Variants in TDRD9 observed in about 807,000 individuals in gnomAD.
The protein encoded by TDRD9 is tudor domain containing 9.
Under a neutral mutation model 172.6 loss-of-function variants are expected in TDRD9, and 124 were observed. That is an observed-to-expected ratio of 0.72 (90% CI 0.62 to 0.83). The LOEUF (loss-of-function observed/expected upper bound fraction) is 0.83, where lower values mean the gene tolerates loss of function less well. TDRD9 is among the 40% of genes least tolerant of loss of function. The pLI is 0.00. For synonymous variants in TDRD9, 619 were observed against 617.1 expected (o/e 1.00, Z -0.05); for missense variants, 1,479 against 1,714.1 (o/e 0.86, Z 2.42).
rs112680090 is a variant in TDRD9, at chr14:103,994,288, A to G, written c.1181-44A>G. ...TTTAAAGGTTGGTTTCTAGCAGTAA[A>G]TACAAACATGTTTATTTCCCTCCTC... On this transcript the variant is annotated intron_variant, in intron 9 of 35. Coordinates refer to ENST00000409874, the MANE Select transcript of TDRD9 (RefSeq NM_153046.3). 1,086 of 1,567,014 alleles carry G rather than the reference A, an allele frequency of 6.9e-4. 7 individuals carry two copies. The African/African-American group carries it at 0.012, about 18-fold the overall frequency.
At chr14:103,992,242 CATT>C (rs2033896385) in intron 9 of TDRD9, among the ~76,000 whole-genome samples, 2 of 152,222 alleles carry the variant, frequency 1.3e-5, no homozygotes, top group South Asian at 2.1e-4. Flanking sequence ...CTTGATGAAA[CATT>C]ATGACAATAA....
At chr14:104,050,652 GT>G (rs1364346447) in intron 35 of TDRD9, among the ~76,000 whole-genome samples, 1 of 152,198 alleles carries the variant, frequency 6.6e-6, no homozygotes, top group African/African-American at 2.4e-5. Context: ...TGCTCCCCCT[GT>G]GCCCTGTGCC....
intron 5 of TDRD9, among the ~76,000 whole-genome samples, chr14:103,967,347 C>CAAAAAAAAAAAAAAAAAAAA (rs11444885): frequency 2.0e-5 from 1 of 49,732 alleles, no homozygotes; most frequent in African/African-American, 9.7e-5. Context: ...ACTAAAAATA[C>CAAAAAAAAAAAAAAAAAAAA]AAAAAAAAAA....
chr14:104,026,249 C>T, intron 27 of TDRD9, 113 bp downstream of exon 27: 1 of 725,546 alleles, frequency 1.4e-6, no homozygotes, highest in Non-Finnish European at 2.4e-6. Flanking sequence ...GAGCCAAGGC[C>T]CAGGACAGGG....
intron 24 of TDRD9, among the ~76,000 whole-genome samples, chr14:104,022,733 T>A (rs200940470): frequency 2.0e-4 from 6 of 29,900 alleles, no homozygotes; most frequent in Non-Finnish European, 6.2e-4. Flanking sequence ...TCTTAAAAAA[T>A]AAATAAATAA....
intron 1 of TDRD9, among the ~76,000 whole-genome samples, chr14:103,931,820 A>C (rs2030407303): frequency 6.6e-6 from 1 of 152,192 alleles, no homozygotes; most frequent in Admixed American, 6.5e-5. Flanking sequence ...AAAAGCAGAG[A>C]ACTTTCTCAG....
intron 22 of TDRD9, among the ~76,000 whole-genome samples, chr14:104,017,419 G>T (rs983860178): frequency 1.2e-4 from 19 of 152,168 alleles, no homozygotes; most frequent in Admixed American, 9.8e-4. Context: ...GTGGCAGTTG[G>T]GTCTCAGGGT....
rs986028599 is a variant in TDRD9, at chr14:103,928,474, C to T, written c.-36C>T. 7.7e-5 allele frequency: 110 copies of T among 1,426,838 alleles called. No homozygotes were observed. The highest frequency in any genetic ancestry group is 2.3e-4 in the African/African-American group (15 of 66,212). The allele number at this position is 1,426,838 out of a possible 1,614,324, so 88.4% of individuals were successfully genotyped here. On this transcript the variant is annotated 5_prime_UTR_variant, in exon 1 of 36. Coordinates refer to ENST00000409874, the MANE Select transcript of TDRD9 (RefSeq NM_153046.3). ...GTCGCCTGTTCCCGCCGCGGAGACCCGGCAGTTGGGGGATGCCGACGCCTG... is the reference window on the plus strand; with the variant it reads ...GTCGCCTGTTCCCGCCGCGGAGACCTGGCAGTTGGGGGATGCCGACGCCTG...
chr14:104,029,974 C>T (rs755704127), intron 28 of TDRD9, among the ~76,000 whole-genome samples: 5 of 152,122 alleles, frequency 3.3e-5, no homozygotes, highest in Non-Finnish European at 5.9e-5. Context: ...AGGTCTTTTA[C>T]TTCTGTTATT....
intron 8 of TDRD9, among the ~76,000 whole-genome samples, chr14:103,989,227 C>T (rs1353345136): frequency 6.6e-6 from 1 of 152,184 alleles, no homozygotes; most frequent in African/African-American, 2.4e-5. Context: ...AGCTGTTAAT[C>T]TTACTGGGGT....
intron 34 of TDRD9, among the ~76,000 whole-genome samples, chr14:104,046,408 ATACAAG>A (rs2035778068): frequency 6.6e-6 from 1 of 152,120 alleles, no homozygotes; most frequent in South Asian, 2.1e-4. Flanking sequence ...GTGGTATGTG[ATACAAG>A]AGCCTAAAGT....
intron 13 of TDRD9, among the ~76,000 whole-genome samples, chr14:103,999,015 GATC>G (rs1197236769): frequency 6.6e-6 from 1 of 152,118 alleles, no homozygotes. Context: ...GGATGGTCTT[GATC>G]TCCTGACTTT....
In TDRD9 at chr14:103,971,982, C is replaced by T. The variant is rs138159692; in HGVS notation, c.846+1361C>T. ...GACCAGCCTGGGCAACATGGTGAAA[C>T]CCCATCTCTACAAAAAATACAAAAA... On this transcript the variant is annotated intron_variant, in intron 6 of 35. Coordinates refer to ENST00000409874, the MANE Select transcript of TDRD9 (RefSeq NM_153046.3). Among the ~76,000 whole-genome samples the T allele has an allele frequency of 4.1e-3, 627 of 152,158 alleles. 5 individuals are homozygous for T. The highest frequency in any genetic ancestry group is 0.014 in the African/African-American group (599 of 41,506).
At chr14:103,947,323 GT>G (rs1205274036) in intron 1 of TDRD9, among the ~76,000 whole-genome samples, 1 of 150,926 alleles carries the variant, frequency 6.6e-6, no homozygotes, top group Non-Finnish European at 1.5e-5. Flanking sequence ...TGTTTTTTTT[GT>G]TTTTTTGTTT....
chr14:103,970,921 C>G (rs1161557571), intron 6 of TDRD9, among the ~76,000 whole-genome samples: 1 of 151,744 alleles, frequency 6.6e-6, no homozygotes, highest in Non-Finnish European at 1.5e-5. Context: ...TTTATTTTTT[C>G]TGAATATTTT....
intron 22 of TDRD9, among the ~76,000 whole-genome samples, chr14:104,017,384 T>G (rs2034826439): frequency 6.6e-6 from 1 of 152,252 alleles, no homozygotes; most frequent in South Asian, 2.1e-4. Context: ...GTTGGGGATT[T>G]CTCATGTCAT....
At chr14:104,006,607 C>T in intron 16 of TDRD9, 39 bp from the exon 17 acceptor site, 9 of 1,612,582 alleles carry the variant, frequency 5.6e-6, no homozygotes, top group Non-Finnish European at 7.6e-6. Flanking sequence ...ACACCACTCT[C>T]ACAATCTTAC....
At position 104,049,522 on chromosome 14, in the gene TDRD9, A is replaced by G. The variant is rs950479019; in HGVS notation, c.3975-86A>G. 56 of 1,070,126 alleles carry G rather than the reference A, an allele frequency of 5.2e-5. No homozygotes were observed. The African/African-American group carries it at 7.8e-4, about 15-fold the overall frequency. The allele number at this position is 1,070,126 out of a possible 1,614,324, so 66.3% of individuals were successfully genotyped here. A position where few individuals can be genotyped will look rare whatever the true frequency, so the allele number is the denominator to read the frequency against. Reference sequence around the variant, plus strand: ...CTAGTTCCAATTCTGTGGGAAGCATATAGGATTTAAATCTTTAAAAAAATC... The same window carrying G: ...CTAGTTCCAATTCTGTGGGAAGCATGTAGGATTTAAATCTTTAAAAAAATC... On this transcript the variant is annotated intron_variant, in intron 34 of 35. Coordinates refer to ENST00000409874, the MANE Select transcript of TDRD9 (RefSeq NM_153046.3).
At chr14:104,000,254 G>T (rs2152210979) in intron 13 of TDRD9, among the ~76,000 whole-genome samples, 1 of 151,306 alleles carries the variant, frequency 6.6e-6, no homozygotes, top group East Asian at 1.9e-4. Context: ...CTTGAGCCTG[G>T]GAGGTAGAGG....
Sources: gnomAD v4.1 joint callset for allele counts (sites outside exome capture counted in the v4.1 genomes callset) on GRCh38, gnomAD v4.1.1 for gene constraint, MANE v1.5 for transcripts, NCBI Gene and HGNC (gene_info 2026-07-23, HGNC 2026-07-21) for gene names.